Variants in ARPC1A observed in about 807,000 individuals in gnomAD.
The protein encoded by ARPC1A is actin related protein 2/3 complex subunit 1A.
Under a neutral mutation model 46.9 loss-of-function variants are expected in ARPC1A, and 8 were observed. The ratio of observed to expected loss-of-function variants is 0.17; its 90% confidence interval spans 0.10 to 0.31. The LOEUF (loss-of-function observed/expected upper bound fraction) is 0.31. Among genes scored for constraint, ARPC1A ranks in the 10% least tolerant of loss-of-function variants. The pLI, the probability that ARPC1A is intolerant of heterozygous loss-of-function variation, is 1.00. For synonymous variants in ARPC1A, 152 were observed against 169.0 expected (o/e 0.90, Z 0.78); for missense variants, 286 against 483.6 (o/e 0.59, Z 3.83).
At chr7:99,338,377 A>ATT in intron 3 of ARPC1A, 92 bp downstream of exon 3, 2 of 612,570 alleles carry the variant, frequency 3.3e-6, no homozygotes, top group East Asian at 4.0e-5. Flanking sequence ...AGGTGGCCAT[A>ATT]ATTTTTTTTT....
chr7:99,328,895 G>C (rs1793097439), intron 1 of ARPC1A, among the ~76,000 whole-genome samples: 1 of 151,704 alleles, frequency 6.6e-6, no homozygotes, highest in Non-Finnish European at 1.5e-5. Context: ...AGGTTGCAGT[G>C]AACTGAGATC....
chr7:99,333,671 G>C (rs751756824), intron 2 of ARPC1A, among the ~76,000 whole-genome samples: 2 of 152,152 alleles, frequency 1.3e-5, no homozygotes, highest in African/African-American at 2.4e-5. Context: ...AGAATAAGCT[G>C]TTTCAGAGAC....
intron 3 of ARPC1A, among the ~76,000 whole-genome samples, chr7:99,343,163 T>C (rs1457752068): frequency 6.6e-6 from 1 of 152,094 alleles, no homozygotes; most frequent in East Asian, 1.9e-4. Flanking sequence ...TGAAATTATA[T>C]TTATAGAAAA....
intron 6 of ARPC1A, among the ~76,000 whole-genome samples, chr7:99,357,569 TCCTTCCACCTCAGCCC>T (rs1793661707): frequency 6.6e-6 from 1 of 151,776 alleles, no homozygotes; most frequent in Non-Finnish European, 1.5e-5. Context: ...CCTCCAGCAA[TCCTTCCACCTCAGCCC>T]CTCAAAGTGC....
At chr7:99,353,112 GTTTAT>G (rs1365169290) in intron 5 of ARPC1A, among the ~76,000 whole-genome samples, 8 of 107,444 alleles carry the variant, frequency 7.4e-5, no homozygotes, top group Admixed American at 8.9e-5. Context: ...GTTTAGTTTA[GTTTAT>G]GTTATGTTAT....
chr7:99,344,444 A>G lies in ARPC1A; in HGVS notation c.321A>G (p.Leu107=), dbSNP rs776091470. Residue 107 remains leucine, a synonymous_variant, in exon 4 of 10, where the codon CTA becomes CTG. Transcript: ENST00000262942. ...RAATFVKWSP[L]ENKFAVGSGA... is the part of the protein sequence containing the mutation. ...CTACTTTTGTGAAGTGGTCCCCCCT[A>G]GAGAACAAATTTGCTGTGGGAAGTG... 3.1e-6 allele frequency: 5 copies of G among 1,613,864 alleles called. No individual in the cohort carries two copies. The South Asian group carries it at 4.4e-5, about 14-fold the overall frequency.
At chr7:99,336,025 G>C (rs1422810405) in intron 2 of ARPC1A, among the ~76,000 whole-genome samples, 1 of 151,512 alleles carries the variant, frequency 6.6e-6, no homozygotes, top group Non-Finnish European at 1.5e-5. Context: ...AGTGAATTTA[G>C]AGCATGTGTT....
At chr7:99,343,517 A>C (rs1584379147) in intron 3 of ARPC1A, among the ~76,000 whole-genome samples, 1 of 152,150 alleles carries the variant, frequency 6.6e-6, no homozygotes, top group African/African-American at 2.4e-5. Context: ...AATAAGTGTT[A>C]AATGAGTCAT....
intron 5 of ARPC1A, 27 bp downstream of exon 5, chr7:99,348,986 T>C: frequency 6.4e-7 from 1 of 1,570,638 alleles, no homozygotes; most frequent in South Asian, 1.1e-5. Context: ...ACTGATAAAC[T>C]TGAGCCGTGC....
intron 6 of ARPC1A, among the ~76,000 whole-genome samples, chr7:99,355,680 G>T (rs1176501611): frequency 6.6e-6 from 1 of 151,772 alleles, no homozygotes; most frequent in Non-Finnish European, 1.5e-5. Context: ...GGAGGTGAAG[G>T]TTGCAGTGAA....
At chr7:99,350,776 G>T (rs1793533233) in intron 5 of ARPC1A, among the ~76,000 whole-genome samples, 1 of 151,194 alleles carries the variant, frequency 6.6e-6, no homozygotes. Context: ...CTCCTGAGTA[G>T]CTGGGACCAC....
intron 2 of ARPC1A, among the ~76,000 whole-genome samples, chr7:99,335,874 A>C (rs796692595): frequency 2.1e-4 from 32 of 152,208 alleles, no homozygotes; most frequent in African/African-American, 7.7e-4. Context: ...GAATGGCGTG[A>C]ACCTGGGAGG....
intron 2 of ARPC1A, among the ~76,000 whole-genome samples, chr7:99,336,412 G>A (rs1359872517): frequency 6.6e-6 from 1 of 151,792 alleles, no homozygotes; most frequent in Non-Finnish European, 1.5e-5. Flanking sequence ...GCTTTCCTAA[G>A]GAGGGTAGGA....
chr7:99,326,997 A>T (rs1793057932), intron 1 of ARPC1A, among the ~76,000 whole-genome samples: 1 of 152,160 alleles, frequency 6.6e-6, no homozygotes, highest in Admixed American at 6.6e-5. Flanking sequence ...GCAGCTTTGG[A>T]ACCTTCTGTC....
At chr7:99,345,416 T>G (rs557357527) in intron 4 of ARPC1A, among the ~76,000 whole-genome samples, 1 of 152,188 alleles carries the variant, frequency 6.6e-6, no homozygotes, top group Non-Finnish European at 1.5e-5. Context: ...CCAAAACTTA[T>G]TTTAACTACT....
intron 8 of ARPC1A, among the ~76,000 whole-genome samples, chr7:99,361,896 GGC>G (rs1318213564): frequency 3.9e-5 from 6 of 152,202 alleles, no homozygotes; most frequent in African/African-American, 1.4e-4. Flanking sequence ...CAGATGAGGT[GGC>G]TGTGTTCCCG....
At chr7:99,347,329 C>T (rs925512719) in intron 4 of ARPC1A, among the ~76,000 whole-genome samples, 8 of 152,158 alleles carry the variant, frequency 5.3e-5, no homozygotes, top group Non-Finnish European at 1.2e-4. Flanking sequence ...CTTTGGTCTT[C>T]CAAAGTGCTG....
intron 5 of ARPC1A, among the ~76,000 whole-genome samples, chr7:99,351,050 G>T (rs1793536673): frequency 1.3e-5 from 2 of 151,972 alleles, no homozygotes; most frequent in African/African-American, 4.8e-5. Flanking sequence ...AGAGAGATGT[G>T]TTTGAGTTTG....
At chr7:99,348,085 G>A (rs1793489764) in intron 4 of ARPC1A, among the ~76,000 whole-genome samples, 1 of 152,152 alleles carries the variant, frequency 6.6e-6, no homozygotes, top group Non-Finnish European at 1.5e-5. Context: ...TTTCTTGGTT[G>A]TGATTTTTCA....
Sources: gnomAD v4.1 joint callset for allele counts (sites outside exome capture counted in the v4.1 genomes callset) on GRCh38, gnomAD v4.1.1 for gene constraint, MANE v1.5 for transcripts, NCBI Gene and HGNC (gene_info 2026-07-23, HGNC 2026-07-21) for gene names.